MYO15A: variants seen among roughly 807,000 people sequenced by gnomAD.
MYO15A encodes the protein unconventional myosin-XV.
Under a neutral mutation model 394.6 loss-of-function variants are expected in MYO15A, and 308 were observed. The ratio of observed to expected loss-of-function variants is 0.78; its 90% CI spans 0.71 to 0.86. The LOEUF is 0.86. Among genes scored for constraint, MYO15A ranks in the 40% least tolerant of loss-of-function variants. The probability of loss-of-function intolerance (pLI) is 0.00; values close to 1 mark genes in which losing one functional copy is unlikely to be tolerated. For missense variants in MYO15A, 4,606 were observed against 4,799.1 expected (o/e 0.96, Z 1.19); for synonymous variants, 1,957 against 2,003.8 (o/e 0.98, Z 0.62).
rs766609255 is a variant in MYO15A at position 18,140,807 on chromosome 17, G to A, written c.5381G>A (p.Arg1794His). 3.4e-5 allele frequency: 55 copies of A among 1,614,006 alleles called. No homozygotes were observed. The highest frequency in any genetic ancestry group is 2.7e-4 in the East Asian group (12 of 44,898). ...GCCAGGTGCAACCCCTTGTTCATGC[G>A]TTGCCTGAAGCCCAACCACAAGAAG... ...KMERCNPLFM[R>H]CLKPNHKKEP... is the part of the protein sequence containing the mutation. Residue 1794 changes from arginine to histidine, a missense_variant, in exon 21 of 66, where the codon CGT becomes CAT. By Grantham distance (29) the Arg-to-His change is conservative. Transcript: ENST00000647165.
intron 22 of MYO15A, 129 bp downstream of exon 22, chr17:18,141,272 C>A (rs2046374413): frequency 7.4e-7 from 1 of 1,342,588 alleles, no homozygotes; most frequent in Non-Finnish European, 1.0e-6. Context: ...CTTCACAAGG[C>A]TACCACATGC....
chr17:18,131,207 C>T (rs781177994), intron 8 of MYO15A, 32 bp from the exon 9 acceptor site: 4 of 1,597,940 alleles, frequency 2.5e-6, no homozygotes, highest in Non-Finnish European at 3.4e-6. Context: ...GTGCCTAGCC[C>T]CTCAATTCCC....
At chr17:18,167,907 T>TC (rs2046877971) in intron 62 of MYO15A, among the ~76,000 whole-genome samples, 184 bp downstream of exon 62, 1 of 152,226 alleles carries the variant, frequency 6.6e-6, no homozygotes, top group South Asian at 2.1e-4. Context: ...CCACAGGAGC[T>TC]GGGACCCCGC....
rs1045955376 is a variant in MYO15A at position 18,141,577 on chromosome 17, G to A, written c.5532-76G>A. 7.2e-6 allele frequency: 10 copies of A among 1,388,502 alleles called. No individual in the cohort carries two copies. In the African/African-American group the frequency reaches 1.4e-4, roughly 20 times the overall value. 86.0% of individuals were successfully genotyped at this position (1,388,502 alleles called of 1,614,324 possible). ...CCAGGCTTTTTGGACACCTGGCTGG[G>A]GGCAGTAACCCCATGGTCTAGCAGA... On this transcript the variant is annotated intron_variant, in intron 22 of 65. Transcript: ENST00000647165.
At position 18,143,808 on chromosome 17, in the gene MYO15A, C is replaced by T. The variant is rs1247986358; in HGVS notation, c.6046+12C>T. 13 of 1,575,118 alleles carry T rather than the reference C, an allele frequency of 8.3e-6. No individual in the cohort carries two copies. The African/African-American group carries it at 1.5e-4, about 18-fold the overall frequency. On this transcript the variant is annotated intron_variant, in intron 27 of 65. Transcript: ENST00000647165. Reference sequence around the variant, plus strand: ...GCAAGCAGTGGCAGGTGGGTCAGCACCAGGCGGGGGGAGGGCCCAGGCAGA... The same window carrying T: ...GCAAGCAGTGGCAGGTGGGTCAGCATCAGGCGGGGGGAGGGCCCAGGCAGA...
chr17:18,157,836 C>A lies in MYO15A; in HGVS notation c.8903C>A (p.Ala2968Glu). The A allele has an allele frequency of 6.3e-7, 1 of 1,593,056 alleles. No homozygotes were observed. ...CCAACGGAGCCAGGCCGCGGCCGAG[C>A]AGCCGCCGTGGCCGCTGCTGTGGCC... ...QLPTEPGRGR[A>E]AAVAAAVASA... The change falls in exon 51 of 66, where the codon GCA (alanine) becomes GAA (glutamate). Residue 2968 changes from alanine (A) to glutamate (E), a missense_variant. By Grantham distance (107) the Ala-to-Glu change is moderately radical. Around this residue, in one of 2 missense-constraint regions of MYO15A, gnomAD observed 2,776 missense variants for 3,109.3 expected, o/e 0.89. Coordinates refer to ENST00000647165, the MANE Select transcript of MYO15A (RefSeq NM_016239.4).
At chr17:18,135,377 T>C (rs1405396954) in intron 12 of MYO15A, among the ~76,000 whole-genome samples, 1 of 152,074 alleles carries the variant, frequency 6.6e-6, no homozygotes, top group Non-Finnish European at 1.5e-5. Flanking sequence ...GTTTCGCTCT[T>C]GTTGCCCAGG....
chr17:18,157,742 C>A lies in MYO15A; in HGVS notation c.8809C>A (p.His2937Asn), dbSNP rs1388763014. The change falls in exon 51 of 66, where the codon CAC becomes AAC. Residue 2937 changes from histidine to asparagine, a missense_variant. Physicochemically the swap from His to Asn is moderately conservative, Grantham distance 68. Transcript: ENST00000647165. ...PDFGWRFGTI[H>N]GRVGRFPSEL... ...CCTAGGCTGGAGGTTCGGGACCATC[C>A]ACGGGCGCGTGGGCCGCTTCCCTTC... is the stretch of plus-strand genomic sequence containing the variant. The A allele has an allele frequency of 1.2e-6, 2 of 1,606,322 alleles. No homozygotes were observed. The highest frequency in any genetic ancestry group is 1.7e-6 in the Non-Finnish European group (2 of 1,179,874).
In MYO15A at chr17:18,143,937, T is replaced by A; in HGVS notation, c.6114T>A (p.Arg2038=). Reference sequence around the variant, plus strand: ...CTCCTCGACTCCAGGCTGAGCCCCGTGTCACACTGCCCCTGGACATCAACA... The same window carrying A: ...CTCCTCGACTCCAGGCTGAGCCCCGAGTCACACTGCCCCTGGACATCAACA... The part of the protein sequence containing the change: ...VRTPRLQAEP[R]VTLPLDINNY... The change falls in exon 28 of 66, where the codon CGT becomes CGA. Residue 2038 remains arginine (R), a synonymous_variant. Coordinates refer to ENST00000647165, the MANE Select transcript of MYO15A (RefSeq NM_016239.4). 6.2e-7 allele frequency: 1 copy of A among 1,611,478 alleles called. No individual in the cohort carries two copies. The highest frequency in any genetic ancestry group is 8.5e-7 in the Non-Finnish European group (1 of 1,179,100).
At chr17:18,163,183 C>T in intron 58 of MYO15A, 61 bp from the exon 59 acceptor site, 1 of 1,558,164 alleles carries the variant, frequency 6.4e-7, no homozygotes, top group Non-Finnish European at 8.9e-7. Context: ...GGGCAGGAGA[C>T]AAGGGCTGTC....
chr17:18,114,241 C>CTTTTTTTTTTTTT (rs10583154), intron 1 of MYO15A, among the ~76,000 whole-genome samples: 4 of 55,562 alleles, frequency 7.2e-5, no homozygotes, highest in Non-Finnish European at 1.3e-4. Context: ...ACAGTCCTGT[C>CTTTTTTTTTTTTT]TTTTTTTTTT....
intron 47 of MYO15A, 34 bp downstream of exon 47, chr17:18,155,466 G>T: frequency 6.4e-7 from 1 of 1,570,008 alleles, no homozygotes; most frequent in South Asian, 1.1e-5. Flanking sequence ...GCTGGCTGGA[G>T]ACTGGGATAC....
chr17:18,157,004 G>A lies in MYO15A; in HGVS notation c.8652G>A (p.Ala2884=), dbSNP rs373922407. 2.6e-4 allele frequency: 417 copies of A among 1,614,064 alleles called. No individual in the cohort carries two copies. The highest frequency in any genetic ancestry group is 3.2e-4 in the Non-Finnish European group (381 of 1,180,042). Residue 2884 remains alanine, a synonymous_variant, in exon 49 of 66, where the codon GCG becomes GCA. Transcript: ENST00000647165. ...GGAACTTCCTGCCTGAGGACCCTGC[G>A]CTGCTGGCTTTCCACAAGGGTGACA... is the stretch of plus-strand genomic sequence containing the variant. The part of the protein sequence containing the change: ...AVRNFLPEDP[A]LLAFHKGDII...
chr17:18,141,213 C>T, intron 22 of MYO15A, 70 bp downstream of exon 22: 1 of 1,604,346 alleles, frequency 6.2e-7, no homozygotes, highest in Non-Finnish European at 8.5e-7. Context: ...CAGGAATACA[C>T]AACCCAGGCA....
chr17:18,124,810 A>C, intron 3 of MYO15A: 1 of 590,658 alleles, frequency 1.7e-6, no homozygotes, highest in Non-Finnish European at 3.0e-6. Context: ...TCTGCACCTC[A>C]GTTTCTCATC....
At chr17:18,167,817 C>T (rs1055286735) in intron 62 of MYO15A, 94 bp downstream of exon 62, 63 of 1,548,010 alleles carry the variant, frequency 4.1e-5, no homozygotes, top group Non-Finnish European at 5.2e-5. Flanking sequence ...AGTCCCCAGG[C>T]CCTCAGGCTC....
At chr17:18,172,016 G>T in intron 63 of MYO15A, 141 bp from the exon 64 acceptor site, 1 of 1,442,842 alleles carries the variant, frequency 6.9e-7, no homozygotes, top group Non-Finnish European at 9.5e-7. Context: ...GAGAAGGGAG[G>T]CCAGAGAGAT....
Position 18,142,854 on chromosome 17 carries a change from C to T in MYO15A, c.5910+14C>T. 6.2e-7 allele frequency: 1 copy of T among 1,604,646 alleles called. No individual in the cohort carries two copies. Among genetic ancestry groups the T allele is most frequent in the South Asian group, 1.1e-5 (1 of 89,428 alleles). On this transcript the variant is annotated intron_variant, in intron 25 of 65. Coordinates refer to ENST00000647165, the MANE Select transcript of MYO15A (RefSeq NM_016239.4). ...CGCTATCTCAAGGTATAGGCCCTAC[C>T]CTATCTGGGTCCAAGGGGACAGCAG...
chr17:18,166,247 G>A (rs905663869), intron 60 of MYO15A, 114 bp from the exon 61 acceptor site: 14 of 1,386,484 alleles, frequency 1.0e-5, no homozygotes, highest in Non-Finnish European at 1.4e-5. Flanking sequence ...TGGCTTGTCC[G>A]AGGTGATACC....
Sources: gnomAD v4.1 joint callset for allele counts (sites outside exome capture counted in the v4.1 genomes callset) on GRCh38, gnomAD v4.1.1 for gene constraint, gnomAD v4.1.1 regional missense constraint, MANE v1.5 for transcripts, NCBI Gene and HGNC (gene_info 2026-07-23, HGNC 2026-07-21) for gene names.